NELL2: variants seen among roughly 807,000 people sequenced by gnomAD.
The protein encoded by NELL2 is neural EGFL like 2.
A neutral mutation model predicts 109.6 loss-of-function variants in NELL2; 41 were observed. The observed-to-expected ratio is 0.37, with a 90% confidence interval of 0.29 to 0.49. The LOEUF (loss-of-function observed/expected upper bound fraction) is 0.49. NELL2 is among the 20% of genes least tolerant of loss of function. NELL2 has a pLI of 0.98. For missense variants in NELL2, 900 were observed against 1,008.3 expected, an observed-to-expected ratio of 0.89 and a Z score of 1.45; for synonymous variants, 355 against 344.7, an observed-to-expected ratio of 1.03 and a Z score of -0.33.
intron 2 of NELL2, among the ~76,000 whole-genome samples, chr12:44,850,309 A>G (rs1944496159): frequency 6.6e-6 from 1 of 152,188 alleles, no homozygotes; most frequent in Admixed American, 6.5e-5. Context: ...TTCCAGCAAT[A>G]CAAAAATGAT....
intron 15 of NELL2, among the ~76,000 whole-genome samples, chr12:44,543,478 T>C (rs942930757): frequency 6.6e-6 from 1 of 152,182 alleles, no homozygotes; most frequent in Non-Finnish European, 1.5e-5. Flanking sequence ...TCAGATTGTG[T>C]CATACTTATG....
intron 2 of NELL2, among the ~76,000 whole-genome samples, chr12:44,839,308 T>A (rs1944150339): frequency 1.3e-5 from 2 of 152,182 alleles, no homozygotes; most frequent in African/African-American, 2.4e-5. Flanking sequence ...TATATTTATA[T>A]CTTCATGCTG....
At chr12:44,544,991 G>A (rs1942733651) in intron 15 of NELL2, among the ~76,000 whole-genome samples, 1 of 151,984 alleles carries the variant, frequency 6.6e-6, no homozygotes, top group Non-Finnish European at 1.5e-5. Flanking sequence ...ATTGTGAGTA[G>A]GGAGGTAGGA....
At chr12:44,712,600 A>G (rs748776058) in intron 10 of NELL2, among the ~76,000 whole-genome samples, 92 of 151,992 alleles carry the variant, frequency 6.1e-4, no homozygotes, top group Non-Finnish European at 1.1e-3. Context: ...TCTGCAACAC[A>G]GTAAATACAG....
intron 16 of NELL2, 145 bp downstream of exon 16, chr12:44,532,436 A>T: frequency 1.4e-6 from 1 of 699,126 alleles, no homozygotes; most frequent in Non-Finnish European, 2.1e-6. Context: ...AGAAAAAGTT[A>T]GATTTTAACA....
intron 12 of NELL2, among the ~76,000 whole-genome samples, chr12:44,694,775 C>G (rs183575735): frequency 6.6e-6 from 1 of 152,068 alleles, no homozygotes; most frequent in Non-Finnish European, 1.5e-5. Context: ...TTAGATCCAG[C>G]AGGGACTTGT....
chr12:44,916,042 A>G (rs1357197711), upstream of NELL2, among the ~76,000 whole-genome samples: 1 of 152,236 alleles, frequency 6.6e-6, no homozygotes, highest in East Asian at 1.9e-4. Context: ...ATCACCTGCT[A>G]TATCTAAATT....
At chr12:44,610,826 C>A in intron 14 of NELL2, 22 bp downstream of exon 14, 1 of 1,612,498 alleles carries the variant, frequency 6.2e-7, no homozygotes, top group Non-Finnish European at 8.5e-7. Flanking sequence ...ATGGAAGAGG[C>A]ACTGGCATTT....
chr12:44,907,984 T>A (rs1945738704), intron 1 of NELL2, among the ~76,000 whole-genome samples: 1 of 152,008 alleles, frequency 6.6e-6, no homozygotes, highest in Non-Finnish European at 1.5e-5. Context: ...GGTTTAAGAA[T>A]GATGTCTTCT....
intron 15 of NELL2, among the ~76,000 whole-genome samples, chr12:44,594,373 G>A (rs1396446513): frequency 6.6e-6 from 1 of 151,974 alleles, no homozygotes; most frequent in Admixed American, 6.6e-5. Context: ...AAACACCTAT[G>A]TGAGCAAAAT....
chr12:44,766,498 C>A (rs1328319889), intron 9 of NELL2, among the ~76,000 whole-genome samples: 2 of 152,184 alleles, frequency 1.3e-5, no homozygotes, highest in Non-Finnish European at 2.9e-5. Flanking sequence ...CCTATTCTTA[C>A]TTCAAAATGC....
At chr12:44,824,378 A>G (rs1157664022) in intron 2 of NELL2, among the ~76,000 whole-genome samples, 1 of 152,180 alleles carries the variant, frequency 6.6e-6, no homozygotes, top group Non-Finnish European at 1.5e-5. Context: ...GTTTTCTTCT[A>G]GTAGTCTTAC....
chr12:44,576,494 C>T (rs1406223522), intron 15 of NELL2, among the ~76,000 whole-genome samples: 1 of 151,938 alleles, frequency 6.6e-6, no homozygotes, highest in African/African-American at 2.4e-5. Context: ...CCATCTCATT[C>T]CTGGGGAGAC....
intron 12 of NELL2, among the ~76,000 whole-genome samples, chr12:44,697,578 G>A (rs1202198286): frequency 6.6e-6 from 1 of 152,188 alleles, no homozygotes; most frequent in African/African-American, 2.4e-5. Flanking sequence ...TTGAGGATGT[G>A]TTGTATACTC....
upstream of NELL2, among the ~76,000 whole-genome samples, chr12:44,918,311 C>A (rs540683991): frequency 6.6e-6 from 1 of 152,306 alleles, no homozygotes; most frequent in South Asian, 2.1e-4. Flanking sequence ...AATTGTTTTG[C>A]TAATGATCCT....
intron 1 of NELL2, among the ~76,000 whole-genome samples, chr12:44,906,260 T>C (rs564075791): frequency 2.0e-4 from 31 of 152,038 alleles, no homozygotes; most frequent in Admixed American, 1.3e-3. Context: ...GTAAGTACGA[T>C]TGGGGTTAGG....
intron 15 of NELL2, among the ~76,000 whole-genome samples, chr12:44,598,387 T>G (rs1945055519): frequency 6.6e-6 from 1 of 152,114 alleles, no homozygotes; most frequent in African/African-American, 2.4e-5. Context: ...AAAAACAGCC[T>G]CATCCCCCAG....
At chr12:44,916,177 A>G (rs926652118), upstream of NELL2, among the ~76,000 whole-genome samples, 4 of 152,236 alleles carry the variant, frequency 2.6e-5, no homozygotes, top group South Asian at 6.2e-4. Flanking sequence ...GGCAACCAAC[A>G]GGCCAATGTT....
At chr12:44,802,050 C>A (rs904121351) in intron 3 of NELL2, among the ~76,000 whole-genome samples, 1 of 152,054 alleles carries the variant, frequency 6.6e-6, no homozygotes, top group African/African-American at 2.4e-5. Flanking sequence ...TTTTACATCA[C>A]AAGGCATGTT....
Sources: allele counts gnomAD v4.1 joint callset (sites outside exome capture counted in the v4.1 genomes callset), GRCh38; gene constraint gnomAD v4.1.1; transcripts MANE v1.5; gene names NCBI Gene and HGNC (gene_info 2026-07-23, HGNC 2026-07-21).